The following GREM2 variants were observed in gnomAD, a reference collection of about 807,000 sequenced individuals.
The protein encoded by GREM2 is gremlin-2.
In GREM2, 11 loss-of-function variants were observed where a neutral mutation model predicts 14.2. That is an observed-to-expected ratio of 0.78 (90% CI 0.49 to 1.28). The LOEUF (loss-of-function observed/expected upper bound fraction) is 1.28, where lower values mean the gene tolerates loss of function less well. Among genes scored for constraint, GREM2 ranks in the 50% most tolerant of loss-of-function variants. GREM2 has a pLI of 0.00. For synonymous variants in GREM2, 98 were observed against 97.6 expected (o/e 1.00, Z -0.02); for missense variants, 210 against 218.5 (o/e 0.96, Z 0.24).
intron 1 of GREM2, among the ~76,000 whole-genome samples, chr1:240,505,295 C>T (rs552278704): frequency 6.6e-6 from 1 of 152,164 alleles, no homozygotes; most frequent in South Asian, 2.1e-4. Context: ...TATACATTAC[C>T]CATTCTCAGA....
intron 1 of GREM2, among the ~76,000 whole-genome samples, chr1:240,601,912 CAAAAA>C (rs58182251): frequency 1.0e-5 from 1 of 96,404 alleles, no homozygotes; most frequent in African/African-American, 3.8e-5. Flanking sequence ...GAATCCATCT[CAAAAA>C]AAAAAAAAAA....
intron 1 of GREM2, among the ~76,000 whole-genome samples, chr1:240,494,951 ACTGT>A (rs1387115265): frequency 1.3e-5 from 2 of 152,180 alleles, no homozygotes; most frequent in African/African-American, 4.8e-5. Context: ...CTGTATTAAA[ACTGT>A]CTGATGACAA....
chr1:240,545,182 G>T (rs964146774), intron 1 of GREM2, among the ~76,000 whole-genome samples: 2 of 152,332 alleles, frequency 1.3e-5, no homozygotes, highest in East Asian at 3.9e-4. Context: ...CACTGGGAAA[G>T]GGAGAGAGGC....
intron 1 of GREM2, among the ~76,000 whole-genome samples, chr1:240,535,546 T>C (rs1385202487): frequency 6.6e-6 from 1 of 152,106 alleles, no homozygotes; most frequent in Non-Finnish European, 1.5e-5. Flanking sequence ...ATGCCTGTAA[T>C]CCCCACATTT....
chr1:240,506,471 A>G (rs1677678861), intron 1 of GREM2, among the ~76,000 whole-genome samples: 1 of 152,182 alleles, frequency 6.6e-6, no homozygotes, highest in Non-Finnish European at 1.5e-5. Context: ...CTGATGCTGA[A>G]TTCAGACAAA....
intron 1 of GREM2, among the ~76,000 whole-genome samples, chr1:240,563,052 GTA>G (rs1156900474): frequency 3.4e-5 from 5 of 148,002 alleles, no homozygotes; most frequent in East Asian, 2.1e-4. Context: ...GTGTGTATGT[GTA>G]TAGTGAGTGT....
At chr1:240,505,630 T>C (rs866380560) in intron 1 of GREM2, among the ~76,000 whole-genome samples, 15 of 152,028 alleles carry the variant, frequency 9.9e-5, no homozygotes, top group Non-Finnish European at 1.8e-4. Flanking sequence ...TTCACTCTAA[T>C]GTGTAATCAA....
intron 1 of GREM2, among the ~76,000 whole-genome samples, chr1:240,553,283 G>A (rs141022117): frequency 2.9e-4 from 44 of 152,330 alleles, no homozygotes; most frequent in African/African-American, 1.0e-3. Flanking sequence ...GCTAGTCTGA[G>A]TGTGGAAAGC....
At chr1:240,603,695 GAAT>G (rs759571135) in intron 1 of GREM2, among the ~76,000 whole-genome samples, 41 of 151,870 alleles carry the variant, frequency 2.7e-4, no homozygotes, top group Non-Finnish European at 4.9e-4. Flanking sequence ...TTCCTTCTCA[GAAT>G]AATGTTTTTA....
rs79078291 is a variant in GREM2, at chr1:240,504,469, C to T, written c.-1-10993G>A. ...AACTTCCATTTTTTCTTTTCTTCCA[C>T]GAGATCTGTTGAGGAAGTGCCTACA... is the stretch of plus-strand genomic sequence containing the variant. On this transcript the variant is annotated intron_variant, in intron 1 of 1. Transcript: ENST00000318160. Among the ~76,000 whole-genome samples the T allele has an allele frequency of 9.8e-4, 149 of 152,268 alleles. 2 individuals carry two copies. In the East Asian group the frequency reaches 0.022, roughly 22 times the overall value.
At chr1:240,568,796 A>C (rs557832784) in intron 1 of GREM2, among the ~76,000 whole-genome samples, 2 of 152,344 alleles carry the variant, frequency 1.3e-5, no homozygotes, top group East Asian at 3.9e-4. Flanking sequence ...AAGATACTAG[A>C]AGTAACATAT....
rs867013581 is a variant in GREM2, at chr1:240,547,520, T to A, written c.-1-54044A>T. 8.9e-3 allele frequency among the ~76,000 whole-genome samples: 986 copies of A among 111,170 alleles called. 8 individuals carry two copies. The highest frequency in any genetic ancestry group is 0.026 in the African/African-American group (531 of 20,538). The allele number at this position is 111,170 out of a possible 152,430, so 72.9% of individuals were successfully genotyped here. A position where few individuals can be genotyped will look rare whatever the true frequency, so the allele number is the denominator to read the frequency against. ...ATCTCAAAAAAAAAAAAAAAATATATATATATATATATATAGATAGATAGA... is the reference window on the plus strand; with the variant it reads ...ATCTCAAAAAAAAAAAAAAAATATAAATATATATATATATAGATAGATAGA... On this transcript the variant is annotated intron_variant, in intron 1 of 1. Transcript: ENST00000318160.
chr1:240,563,071 G>A (rs1679098721), intron 1 of GREM2, among the ~76,000 whole-genome samples: 1 of 150,778 alleles, frequency 6.6e-6, no homozygotes, highest in Non-Finnish European at 1.5e-5. Flanking sequence ...GTGTGTATGT[G>A]TGTATATGTG....
At chr1:240,591,081 G>C (rs1679706379) in intron 1 of GREM2, among the ~76,000 whole-genome samples, 1 of 152,158 alleles carries the variant, frequency 6.6e-6, no homozygotes, top group Non-Finnish European at 1.5e-5. Flanking sequence ...TGCCCAGCCA[G>C]AAATGACTTC....
intron 1 of GREM2, among the ~76,000 whole-genome samples, chr1:240,592,286 C>T (rs955390518): frequency 6.6e-6 from 1 of 152,068 alleles, no homozygotes; most frequent in African/African-American, 2.4e-5. Flanking sequence ...AGTTTATATG[C>T]AAAGAGACTG....
Position 240,489,876 on chromosome 1 carries a change from T to C in GREM2, c.*3093A>G, listed in dbSNP as rs1472248375. ...GTTAGCAGTGAAATATTCTGTCCCA[T>C]TTAATAAACTAAGATGAATTATTTC... On this transcript the variant is annotated 3_prime_UTR_variant, in exon 2 of 2. Transcript: ENST00000318160. 6.6e-6 allele frequency: 1 copy of C among 152,226 alleles called. No individual in the cohort carries two copies. Among genetic ancestry groups the C allele is most frequent in the Non-Finnish European group, 1.5e-5 (1 of 68,032 alleles). 9.4% of individuals were successfully genotyped at this position (152,226 alleles called of 1,614,324 possible). A position where few individuals can be genotyped will look rare whatever the true frequency, so the allele number is the denominator to read the frequency against.
intron 1 of GREM2, among the ~76,000 whole-genome samples, chr1:240,571,086 C>T (rs1179395794): frequency 3.9e-5 from 6 of 152,044 alleles, no homozygotes; most frequent in Non-Finnish European, 1.5e-5. Flanking sequence ...ACATAAACAA[C>T]CAGACACATT....
chr1:240,549,439 T>G (rs181888296), intron 1 of GREM2, among the ~76,000 whole-genome samples: 72 of 151,952 alleles, frequency 4.7e-4, no homozygotes, highest in Non-Finnish European at 9.0e-4. Flanking sequence ...TAAAAAGAGA[T>G]AAATCCCAGC....
chr1:240,547,681 A>G (rs1374160887), intron 1 of GREM2, among the ~76,000 whole-genome samples: 1 of 151,922 alleles, frequency 6.6e-6, no homozygotes, highest in African/African-American at 2.4e-5. Context: ...GATCTTGTAA[A>G]TGAAAAGCTT....
Sources: gnomAD v4.1 joint callset for allele counts (sites outside exome capture counted in the v4.1 genomes callset) on GRCh38, gnomAD v4.1.1 for gene constraint, MANE v1.5 for transcripts, NCBI Gene and HGNC (gene_info 2026-07-23, HGNC 2026-07-21) for gene names.